The following DDX4 variants were observed in gnomAD, a reference collection of about 807,000 sequenced individuals.
DDX4 encodes probable ATP-dependent RNA helicase DDX4.
Under a neutral mutation model 100.0 loss-of-function variants are expected in DDX4, and 25 were observed. The observed-to-expected ratio is 0.25, with a 90% CI of 0.18 to 0.35. The LOEUF is 0.35. Ranked by LOEUF, DDX4 falls within the 10% of genes least tolerant of loss-of-function variation. The probability of loss-of-function intolerance (pLI) is 1.00; values close to 1 mark genes in which losing one functional copy is unlikely to be tolerated. For synonymous variants in DDX4, 259 were observed against 275.7 expected, an observed-to-expected ratio of 0.94 and a Z score of 0.60; for missense variants, 635 against 882.4, an observed-to-expected ratio of 0.72 and a Z score of 3.55.
chr5:55,777,135 G>A (rs570941260), intron 7 of DDX4, among the ~76,000 whole-genome samples: 1 of 152,148 alleles, frequency 6.6e-6, no homozygotes, highest in African/African-American at 2.4e-5. Flanking sequence ...CTAAATATTC[G>A]TGGTGAAAAT....
At chr5:55,756,583 C>A (rs1759950309) in intron 3 of DDX4, among the ~76,000 whole-genome samples, 2 of 152,096 alleles carry the variant, frequency 1.3e-5, no homozygotes, top group Non-Finnish European at 2.9e-5. Flanking sequence ...TCTTAGAGCG[C>A]ATACTGAAGT....
At chr5:55,769,892 A>G (rs1009068528) in intron 7 of DDX4, among the ~76,000 whole-genome samples, 5 of 148,646 alleles carry the variant, frequency 3.4e-5, no homozygotes, top group Non-Finnish European at 7.4e-5. Context: ...TTTGAGATGG[A>G]GTCTCACTCT....
intron 18 of DDX4, among the ~76,000 whole-genome samples, chr5:55,804,025 G>A (rs2112136796): frequency 6.6e-6 from 1 of 151,120 alleles, no homozygotes; most frequent in South Asian, 2.1e-4. Context: ...TAACTGGTGT[G>A]AGATGGTATC....
intron 3 of DDX4, among the ~76,000 whole-genome samples, chr5:55,755,233 C>T (rs533226692): frequency 2.6e-5 from 4 of 152,076 alleles, no homozygotes; most frequent in Non-Finnish European, 4.4e-5. Context: ...AACATCTAGG[C>T]TTTTCCTCAC....
At chr5:55,811,297 G>A (rs1744112938) in intron 18 of DDX4, among the ~76,000 whole-genome samples, 1 of 151,968 alleles carries the variant, frequency 6.6e-6, no homozygotes, top group African/African-American at 2.4e-5. Flanking sequence ...ATCTTTCATT[G>A]TGCTTTTTCA....
intron 18 of DDX4, among the ~76,000 whole-genome samples, chr5:55,811,895 T>A (rs1360514629): frequency 2.6e-5 from 4 of 152,214 alleles, no homozygotes; most frequent in Admixed American, 1.3e-4. Context: ...GAAGGAATAA[T>A]ACTAGCTTAT....
At chr5:55,754,476 T>G (rs1156612268) in intron 3 of DDX4, among the ~76,000 whole-genome samples, 1 of 144,394 alleles carries the variant, frequency 6.9e-6, no homozygotes, top group Non-Finnish European at 1.5e-5. Flanking sequence ...GGATTACATT[T>G]ATTGATTTGC....
At chr5:55,751,900 T>G (rs975897016) in intron 3 of DDX4, among the ~76,000 whole-genome samples, 12 of 152,200 alleles carry the variant, frequency 7.9e-5, no homozygotes, top group African/African-American at 2.9e-4. Flanking sequence ...TCCTTAGACT[T>G]TTGCCTTTCA....
chr5:55,798,038 G>T (rs62361906), intron 17 of DDX4, among the ~76,000 whole-genome samples: 6,210 of 152,230 alleles, frequency 0.041, 246 homozygotes, highest in Non-Finnish European at 0.056. Flanking sequence ...AATGAGTGGA[G>T]AACAGAATTT....
Position 55,756,144 on chromosome 5 carries a change from T to C in DDX4, c.128-4056T>C, listed in dbSNP as rs149349537. On this transcript the variant is annotated intron_variant, in intron 3 of 21. Coordinates refer to ENST00000505374, the MANE Select transcript of DDX4 (RefSeq NM_024415.3). The stretch of plus-strand genomic sequence containing the variant: ...TATAGTTTCCAGTATTTGCCTGTTA[T>C]GAGTGGTTCTCTTAAGAATGTTTTC... Among the ~76,000 whole-genome samples, 252 of 152,286 alleles carry C rather than the reference T, an allele frequency of 1.7e-3. 2 individuals carry two copies. The highest frequency in any genetic ancestry group is 5.9e-3 in the African/African-American group (246 of 41,554).
chr5:55,803,465 T>C, intron 18 of DDX4, among the ~76,000 whole-genome samples: 1 of 89,282 alleles, frequency 1.1e-5, no homozygotes, highest in Non-Finnish European at 2.2e-5. Context: ...CCCAATGCTA[T>C]CCCTCCCCCC....
intron 18 of DDX4, among the ~76,000 whole-genome samples, chr5:55,808,178 T>C (rs940619350): frequency 6.6e-6 from 1 of 152,208 alleles, no homozygotes; most frequent in Non-Finnish European, 1.5e-5. Context: ...TCAGGTCCTT[T>C]AAGGACTTCT....
chr5:55,738,463 A>G (rs1183222924), intron 1 of DDX4: 1 of 155,834 alleles, frequency 6.4e-6, no homozygotes, highest in East Asian at 1.9e-4. Context: ...CTCTTCACCG[A>G]GTCGCCGCCC....
At chr5:55,783,431 A>G (rs1742040809) in intron 10 of DDX4, among the ~76,000 whole-genome samples, 1 of 152,174 alleles carries the variant, frequency 6.6e-6, no homozygotes, top group Non-Finnish European at 1.5e-5. Flanking sequence ...TAATGCAGTC[A>G]TAGTACCTAA....
At chr5:55,740,494 A>C (rs1320475479) in intron 2 of DDX4, among the ~76,000 whole-genome samples, 1 of 149,166 alleles carries the variant, frequency 6.7e-6, no homozygotes, top group Admixed American at 6.7e-5. Context: ...TTTTGATGAT[A>C]GTATATAACA....
At chr5:55,738,578 G>T (rs139595284) in intron 1 of DDX4, among the ~76,000 whole-genome samples, 1 of 152,084 alleles carries the variant, frequency 6.6e-6, no homozygotes, top group Non-Finnish European at 1.5e-5. Flanking sequence ...TGCGAAGGGA[G>T]AAATCTTAAG....
chr5:55,802,789 C>T lies in DDX4; in HGVS notation c.1615+4218C>T, dbSNP rs367612863. Among the ~76,000 whole-genome samples, 7 of 152,004 alleles carry T rather than the reference C, an allele frequency of 4.6e-5. No homozygotes were observed. The East Asian group carries it at 5.8e-4, about 13-fold the overall frequency. ...TTAATGATCATGGTAAATTTGTTACCGGTAATTGTTAAATATTGAGGGTCT... is the reference window on the plus strand; with the variant it reads ...TTAATGATCATGGTAAATTTGTTACTGGTAATTGTTAAATATTGAGGGTCT... On this transcript the variant is annotated intron_variant, in intron 18 of 21. Coordinates refer to ENST00000505374, the MANE Select transcript of DDX4 (RefSeq NM_024415.3).
chr5:55,777,486 C>T (rs191951881), intron 7 of DDX4: 1 of 152,182 alleles, frequency 6.6e-6, no homozygotes, highest in Admixed American at 6.5e-5. Context: ...GCCATACCAC[C>T]CTGAACGTGT....
chr5:55,754,239 C>T (rs879512508), intron 3 of DDX4, among the ~76,000 whole-genome samples: 4,236 of 150,786 alleles, frequency 0.028, 78 homozygotes, highest in Non-Finnish European at 0.043. Context: ...GAAGGCATCC[C>T]TGTCTTGTGC....
Sources: allele counts gnomAD v4.1 joint callset (sites outside exome capture counted in the v4.1 genomes callset), GRCh38; gene constraint gnomAD v4.1.1; transcripts MANE v1.5; gene names NCBI Gene and HGNC (gene_info 2026-07-23, HGNC 2026-07-21).